Variants in HPD observed in about 807,000 individuals in gnomAD.
HPD encodes 4-hydroxyphenylpyruvic acid oxidase.
HPD carries 35 observed loss-of-function variants against 56.9 expected under a neutral mutation model. The observed-to-expected ratio is 0.62, with a 90% CI of 0.47 to 0.82. The LOEUF (loss-of-function observed/expected upper bound fraction) is 0.82, where lower values mean the gene tolerates loss of function less well. HPD is among the 40% of genes least tolerant of loss of function. HPD has a pLI of 0.00. For synonymous variants in HPD, 186 were observed against 200.2 expected, an observed-to-expected ratio of 0.93 and a Z score of 0.60; for missense variants, 442 against 506.8, an observed-to-expected ratio of 0.87 and a Z score of 1.23.
At chr12:121,888,072 T>C in the HPD span, among the ~76,000 whole-genome samples, 10 of 152,290 alleles carry the variant, frequency 6.6e-5, no homozygotes, top group Admixed American at 2.0e-4. Flanking sequence ...CTTCATGAGG[T>C]TGTTGAATTA....
At chr12:121,855,005 C>T (rs951838587) in intron 6 of HPD, among the ~76,000 whole-genome samples, 5 of 152,154 alleles carry the variant, frequency 3.3e-5, no homozygotes, top group African/African-American at 1.2e-4. Flanking sequence ...AGAGTTGGGG[C>T]TATGGGAGAC....
chr12:121,885,065 A>C, the HPD span, among the ~76,000 whole-genome samples: 1 of 151,810 alleles, frequency 6.6e-6, no homozygotes, highest in East Asian at 1.9e-4. Flanking sequence ...TGATTTTTGT[A>C]TTTTTAGTAG....
chr12:121,848,792 G>A (rs1324785199), intron 9 of HPD, among the ~76,000 whole-genome samples: 1 of 152,050 alleles, frequency 6.6e-6, no homozygotes, highest in Non-Finnish European at 1.5e-5. Context: ...TTTTAGTAGA[G>A]ACGGGGTTTC....
At chr12:121,876,216 C>T in the HPD span, among the ~76,000 whole-genome samples, 1 of 152,104 alleles carries the variant, frequency 6.6e-6, no homozygotes, top group South Asian at 2.1e-4. Flanking sequence ...GAGGCTGAGG[C>T]AGGAGAATCG....
intron 10 of HPD, 30 bp downstream of exon 10, chr12:121,847,022 C>G (rs377695219): frequency 1.0e-4 from 165 of 1,613,930 alleles, no homozygotes; most frequent in Non-Finnish European, 1.2e-4. Flanking sequence ...CTTCCCTGCT[C>G]CCCTCTCCCC....
chr12:121,854,112 C>T (rs1342217315), intron 7 of HPD, among the ~76,000 whole-genome samples: 2 of 151,880 alleles, frequency 1.3e-5, no homozygotes. Context: ...AAAAATTAGC[C>T]GGGCATGGTG....
the HPD span, among the ~76,000 whole-genome samples, chr12:121,884,768 GTTTCACCAATTATTTAC>G: frequency 1.3e-5 from 2 of 151,882 alleles, no homozygotes; most frequent in South Asian, 4.1e-4. Context: ...ACATTTATAT[GTTTCACCAATTATTTAC>G]ATTTTGTAAA....
chr12:121,870,731 G>A, the HPD span, among the ~76,000 whole-genome samples: 7 of 151,296 alleles, frequency 4.6e-5, no homozygotes, highest in South Asian at 1.5e-3. Flanking sequence ...TGAGTAGCTG[G>A]GATTATAGGC....
Position 121,847,224 on chromosome 12 carries a change from G to A in HPD, c.597-10C>T, listed in dbSNP as rs1877618349. On this transcript the variant is annotated splice_polypyrimidine_tract_variant and intron_variant, in intron 9 of 13. Transcript: ENST00000289004. Reference sequence around the variant, plus strand: ...CAGGTTTTTCAGGTACCTGTAGGGTGGGCGGTGGAACACATATGCTCTGAG... The same window carrying A: ...CAGGTTTTTCAGGTACCTGTAGGGTAGGCGGTGGAACACATATGCTCTGAG... 1.9e-6 allele frequency: 3 copies of A among 1,613,994 alleles called. No individual in the cohort carries two copies. Among genetic ancestry groups the A allele is most frequent in the African/African-American group, 2.7e-5 (2 of 75,024 alleles).
the HPD span, among the ~76,000 whole-genome samples, chr12:121,884,171 C>CTT: frequency 1.6e-5 from 2 of 124,170 alleles, no homozygotes; most frequent in Non-Finnish European, 3.4e-5. Flanking sequence ...CTTTTCCTCT[C>CTT]TTTTTTTTTT....
At chr12:121,869,813 C>T in the HPD span, among the ~76,000 whole-genome samples, 2 of 152,198 alleles carry the variant, frequency 1.3e-5, no homozygotes, top group Non-Finnish European at 2.9e-5. Flanking sequence ...GCGTGAGCCA[C>T]CATGCCTGGC....
At chr12:121,871,199 A>C in the HPD span, among the ~76,000 whole-genome samples, 1 of 150,956 alleles carries the variant, frequency 6.6e-6, no homozygotes, top group Non-Finnish European at 1.5e-5. Context: ...CCATTTCTAC[A>C]AAAAAAAACC....
At chr12:121,885,455 G>A in the HPD span, among the ~76,000 whole-genome samples, 1 of 140,342 alleles carries the variant, frequency 7.1e-6, no homozygotes, top group Non-Finnish European at 1.6e-5. Flanking sequence ...CCACCTCGGT[G>A]TCCCAAAGTG....
At chr12:121,850,262 A>C (rs539068739) in intron 7 of HPD, among the ~76,000 whole-genome samples, 1 of 151,868 alleles carries the variant, frequency 6.6e-6, no homozygotes, top group Non-Finnish European at 1.5e-5. Flanking sequence ...TCTACTAAAA[A>C]ATACAAAAAA....
At chr12:121,856,273 C>T in intron 6 of HPD, 51 bp downstream of exon 6, 1 of 1,445,436 alleles carries the variant, frequency 6.9e-7, no homozygotes, top group African/African-American at 1.4e-5. Context: ...GATGGGGTCC[C>T]CATGGCAGAC....
the HPD span, among the ~76,000 whole-genome samples, chr12:121,884,888 A>ATATCTCTTTCTTTTTCT: frequency 6.6e-6 from 1 of 151,996 alleles, no homozygotes; most frequent in Non-Finnish European, 1.5e-5. Context: ...CTACAAATAT[A>ATATCTCTTTCTTTTTCT]TATCTCTTTC....
upstream of HPD, chr12:121,858,980 C>T: frequency 1.3e-6 from 1 of 790,768 alleles, no homozygotes; most frequent in Non-Finnish European, 2.2e-6. Flanking sequence ...GGCCTGGGGA[C>T]CTCTGATCCA....
chr12:121,874,107 G>A, the HPD span: 2 of 152,244 alleles, frequency 1.3e-5, no homozygotes, highest in African/African-American at 4.8e-5. Context: ...AAGAGGTGAT[G>A]GAGGCAGCAC....
At chr12:121,841,165 C>T (rs1029077924) in intron 12 of HPD, among the ~76,000 whole-genome samples, 3 of 149,630 alleles carry the variant, frequency 2.0e-5, no homozygotes, top group African/African-American at 7.4e-5. Flanking sequence ...TCGGCCACTG[C>T]TCTCCAGCCT....
Sources: allele counts gnomAD v4.1 joint callset (sites outside exome capture counted in the v4.1 genomes callset), GRCh38; gene constraint gnomAD v4.1.1; transcripts MANE v1.5; gene names NCBI Gene and HGNC (gene_info 2026-07-23, HGNC 2026-07-21).